Variants in PDE4D observed in about 807,000 individuals in gnomAD.
PDE4D encodes the protein phosphodiesterase 4D, also known as 3',5'-cyclic-AMP phosphodiesterase 4D.
In PDE4D, 24 loss-of-function variants were observed where a neutral mutation model predicts 87.4. The ratio of observed to expected loss-of-function variants is 0.27; its 90% CI spans 0.20 to 0.39. The LOEUF (loss-of-function observed/expected upper bound fraction) is 0.39, where lower values mean the gene tolerates loss of function less well. PDE4D is among the 10% of genes least tolerant of loss of function. The pLI is 1.00. For missense variants in PDE4D, 714 were observed against 1,041.0 expected (o/e 0.69, Z 4.32); for synonymous variants, 384 against 383.2 (o/e 1.00, Z -0.02).
chr5:60,009,144 C>A (rs1230858866), intron 2 of PDE4D, among the ~76,000 whole-genome samples: 1 of 152,072 alleles, frequency 6.6e-6, no homozygotes, highest in African/African-American at 2.4e-5. Context: ...TGCCTTCCTA[C>A]ATCTTAAGCA....
intron 11 of PDE4D, among the ~76,000 whole-genome samples, chr5:58,979,385 T>G (rs1356456409): frequency 6.6e-6 from 1 of 152,296 alleles, no homozygotes; most frequent in East Asian, 1.9e-4. Flanking sequence ...TACAGGAAAG[T>G]GGTGGTGACT....
At chr5:59,406,780 T>C (rs1383787973) in intron 1 of PDE4D, among the ~76,000 whole-genome samples, 2 of 152,326 alleles carry the variant, frequency 1.3e-5, no homozygotes, top group East Asian at 3.9e-4. Flanking sequence ...GATAATTTTG[T>C]ATAGTATCCT....
chr5:59,099,550 C>T (rs189211511), intron 5 of PDE4D, among the ~76,000 whole-genome samples: 81 of 152,224 alleles, frequency 5.3e-4, no homozygotes, highest in Non-Finnish European at 9.0e-4. Flanking sequence ...ATGAGAGATG[C>T]GCCGCAAAAT....
chr5:60,417,972 T>A (rs1174121637), intron 1 of PDE4D, among the ~76,000 whole-genome samples: 1 of 152,166 alleles, frequency 6.6e-6, no homozygotes, highest in Non-Finnish European at 1.5e-5. Context: ...CACAATTCAC[T>A]TTTCAGTATA....
chr5:60,309,407 T>C (rs1467021131), intron 1 of PDE4D, among the ~76,000 whole-genome samples: 1 of 152,148 alleles, frequency 6.6e-6, no homozygotes, highest in African/African-American at 2.4e-5. Flanking sequence ...ACTAAAACTA[T>C]GGAAACCAGT....
chr5:60,197,066 T>TAGAC lies in PDE4D; in HGVS notation c.-89-11380_-89-11379insGTCT, dbSNP rs1171704330. Reference sequence around the variant, plus strand: ...ATAGATAGATAGATAGATAGATAGATAGATAGACAGTTAGATAGATAGATA... The same window carrying TAGAC: ...ATAGATAGATAGATAGATAGATAGATAGACAGATAGACAGTTAGATAGATAGATA... On this transcript the variant is annotated intron_variant, in intron 1 of 16. Coordinates refer to the PDE4D transcript ENST00000502484. Among the ~76,000 whole-genome samples, 425 of 108,108 alleles carry TAGAC rather than the reference T, an allele frequency of 3.9e-3. 10 individuals carry two copies. The highest frequency in any genetic ancestry group is 0.015 in the African/African-American group (393 of 27,004). 70.9% of individuals were successfully genotyped at this position (108,108 alleles called of 152,430 possible).
At position 59,271,327 on chromosome 5, in the gene PDE4D, C is replaced by A. The variant is rs1003118476; in HGVS notation, c.456-55359G>T. On this transcript the variant is annotated intron_variant, in intron 1 of 14. Coordinates refer to ENST00000340635, the MANE Select transcript of PDE4D (RefSeq NM_001104631.2). ...TTGCAGGTATTACAGGAGCAAGCTACGCCGCCTGGCCAAAAATAGAAAAAT... is the reference window on the plus strand; with the variant it reads ...TTGCAGGTATTACAGGAGCAAGCTAAGCCGCCTGGCCAAAAATAGAAAAAT... Among the ~76,000 whole-genome samples the A allele has an allele frequency of 4.6e-5, 7 of 152,178 alleles. No homozygotes were observed. In the East Asian group the frequency reaches 1.4e-3, roughly 29 times the overall value.
chr5:60,084,514 A>AT (rs746000219), intron 2 of PDE4D, among the ~76,000 whole-genome samples: 11 of 152,202 alleles, frequency 7.2e-5, no homozygotes, highest in Non-Finnish European at 1.6e-4. Flanking sequence ...AAAAATCTGC[A>AT]TATACCACTT....
At chr5:59,686,224 C>A (rs1203692081) in intron 1 of PDE4D, among the ~76,000 whole-genome samples, 1 of 152,148 alleles carries the variant, frequency 6.6e-6, no homozygotes, top group African/African-American at 2.4e-5. Context: ...GCAAATTTAA[C>A]ATCTATTGAG....
At chr5:59,194,459 A>T (rs1745011648) in intron 2 of PDE4D, among the ~76,000 whole-genome samples, 1 of 152,200 alleles carries the variant, frequency 6.6e-6, no homozygotes, top group Non-Finnish European at 1.5e-5. Flanking sequence ...AACCTGAGTG[A>T]CCCAAAACAA....
intron 2 of PDE4D, among the ~76,000 whole-genome samples, chr5:60,050,043 G>A (rs544053419): frequency 3.2e-4 from 49 of 152,194 alleles, no homozygotes; most frequent in Non-Finnish European, 6.2e-4. Flanking sequence ...GACCCTCCAA[G>A]CCAGGTGCAG....
chr5:60,051,021 G>T (rs1770080919), intron 2 of PDE4D, among the ~76,000 whole-genome samples: 2 of 152,172 alleles, frequency 1.3e-5, no homozygotes, highest in African/African-American at 4.8e-5. Flanking sequence ...CAATACAGGA[G>T]TACTCAGATT....
At chr5:60,195,541 T>C (rs1741115215) in intron 1 of PDE4D, among the ~76,000 whole-genome samples, 4 of 151,726 alleles carry the variant, frequency 2.6e-5, no homozygotes. Flanking sequence ...CTTCTCTTCC[T>C]CCAAAATGAT....
intron 1 of PDE4D, among the ~76,000 whole-genome samples, chr5:59,792,939 G>A (rs1382397038): frequency 2.0e-5 from 3 of 152,182 alleles, no homozygotes; most frequent in East Asian, 1.9e-4. Context: ...TCAAGCTTAG[G>A]TGGCAGAAAG....
intron 1 of PDE4D, among the ~76,000 whole-genome samples, chr5:59,220,013 A>C (rs1752130047): frequency 6.6e-6 from 1 of 152,152 alleles, no homozygotes; most frequent in South Asian, 2.1e-4. Flanking sequence ...GACCTATAAA[A>C]ATGGCAATTT....
intron 1 of PDE4D, among the ~76,000 whole-genome samples, chr5:60,330,914 C>T (rs1448496542): frequency 6.6e-6 from 1 of 152,168 alleles, no homozygotes; most frequent in Non-Finnish European, 1.5e-5. Flanking sequence ...CAGGAGTGAA[C>T]TGTCCCTTTC....
rs1782826268 is a variant in PDE4D, at chr5:59,171,845, AT to A, written c.808+8749del. On this transcript the variant is annotated intron_variant, in intron 5 of 14. Coordinates refer to ENST00000340635, the MANE Select transcript of PDE4D (RefSeq NM_001104631.2). ...TATTTAATATATATTTTATATATTT[AT>A]TTTATAATAAACATATATATTTATA... Among the ~76,000 whole-genome samples, 6 of 136,010 alleles carry A rather than the reference AT, an allele frequency of 4.4e-5. No individual in the cohort carries two copies. In the South Asian group the frequency reaches 6.5e-4, roughly 15 times the overall value. The allele number at this position is 136,010 out of a possible 152,430, so 89.2% of individuals were successfully genotyped here. A position where few individuals can be genotyped will look rare whatever the true frequency, so the allele number is the denominator to read the frequency against.
At chr5:59,845,446 C>T (rs141439263) in intron 1 of PDE4D, among the ~76,000 whole-genome samples, 4 of 152,174 alleles carry the variant, frequency 2.6e-5, no homozygotes, top group Admixed American at 2.6e-4. Flanking sequence ...ATTTTCTCAC[C>T]TGCATGTCTC....
At chr5:59,011,742 C>A (rs1348170871) in intron 6 of PDE4D, among the ~76,000 whole-genome samples, 1 of 152,160 alleles carries the variant, frequency 6.6e-6, no homozygotes, top group Non-Finnish European at 1.5e-5. Context: ...AGGATATTAT[C>A]CAGGAGAAAT....
Sources: allele counts gnomAD v4.1 joint callset (sites outside exome capture counted in the v4.1 genomes callset), GRCh38; gene constraint gnomAD v4.1.1; transcripts MANE v1.5; gene names NCBI Gene and HGNC (gene_info 2026-07-23, HGNC 2026-07-21).